The following GRID2 variants were observed in gnomAD, a reference collection of about 807,000 sequenced individuals.
GRID2 encodes glutamate receptor ionotropic, delta-2.
GRID2 carries 33 observed loss-of-function variants against 114.8 expected under a neutral mutation model. The ratio of observed to expected loss-of-function variants is 0.29; its 90% CI spans 0.22 to 0.38. The LOEUF (loss-of-function observed/expected upper bound fraction) is 0.38, where lower values mean the gene tolerates loss of function less well. Among genes scored for constraint, GRID2 ranks in the 10% least tolerant of loss-of-function variants. The probability of loss-of-function intolerance (pLI) is 1.00; values close to 1 mark genes in which losing one functional copy is unlikely to be tolerated. For synonymous variants in GRID2, 505 were observed against 449.9 expected, an observed-to-expected ratio of 1.12 and a Z score of -1.55; for missense variants, 1,184 against 1,257.7, an observed-to-expected ratio of 0.94 and a Z score of 0.89.
chr4:92,379,909 T>G (rs1729533037), intron 1 of GRID2, among the ~76,000 whole-genome samples: 1 of 152,024 alleles, frequency 6.6e-6, no homozygotes, highest in African/African-American at 2.4e-5. Context: ...ATTCCTGTGG[T>G]ATAGCTGTAG....
chr4:92,447,370 A>G (rs1733523740), intron 1 of GRID2, among the ~76,000 whole-genome samples: 1 of 152,182 alleles, frequency 6.6e-6, no homozygotes, highest in Non-Finnish European at 1.5e-5. Flanking sequence ...CTATTGGCAG[A>G]CCTTCTAAGG....
chr4:93,545,913 A>G (rs755129655), intron 13 of GRID2, among the ~76,000 whole-genome samples: 3 of 152,236 alleles, frequency 2.0e-5, no homozygotes, highest in Admixed American at 1.3e-4. Flanking sequence ...GGACTTTAAT[A>G]AAGCAGCGAT....
intron 2 of GRID2, among the ~76,000 whole-genome samples, chr4:92,841,534 T>C (rs1422142917): frequency 6.6e-6 from 1 of 151,962 alleles, no homozygotes; most frequent in Admixed American, 6.6e-5. Context: ...TTTATAAGAA[T>C]CTAAATATCA....
At chr4:92,455,462 G>T (rs899257642) in intron 1 of GRID2, among the ~76,000 whole-genome samples, 1 of 152,168 alleles carries the variant, frequency 6.6e-6, no homozygotes, top group Non-Finnish European at 1.5e-5. Context: ...ATCAGGAGAG[G>T]ATATAACGTG....
At chr4:92,345,244 A>G (rs1727705636) in intron 1 of GRID2, among the ~76,000 whole-genome samples, 1 of 152,224 alleles carries the variant, frequency 6.6e-6, no homozygotes, top group Admixed American at 6.5e-5. Flanking sequence ...TTCACTTAGA[A>G]TAATAGCTTC....
intron 8 of GRID2, among the ~76,000 whole-genome samples, chr4:93,339,525 A>G (rs1013864001): frequency 6.6e-6 from 1 of 152,178 alleles, no homozygotes; most frequent in Non-Finnish European, 1.5e-5. Flanking sequence ...CAGAGGGAAT[A>G]TGGCCCTGAC....
chr4:93,742,456 C>A (rs776561566), intron 14 of GRID2, among the ~76,000 whole-genome samples: 9 of 152,172 alleles, frequency 5.9e-5, no homozygotes, highest in Non-Finnish European at 1.2e-4. Context: ...AGCTACAATA[C>A]AAGCATATGT....
chr4:93,030,103 T>G (rs1724256798), intron 2 of GRID2, among the ~76,000 whole-genome samples: 1 of 152,164 alleles, frequency 6.6e-6, no homozygotes, highest in African/African-American at 2.4e-5. Flanking sequence ...AGAGTTTCTG[T>G]TCTCTCCTTT....
intron 2 of GRID2, among the ~76,000 whole-genome samples, chr4:92,700,686 A>G (rs150535923): frequency 1.3e-5 from 2 of 152,266 alleles, no homozygotes; most frequent in East Asian, 3.9e-4. Context: ...ATTTCATAGT[A>G]TAGTTAACAA....
chr4:92,652,834 A>C (rs1336573483), intron 2 of GRID2, among the ~76,000 whole-genome samples: 1 of 139,324 alleles, frequency 7.2e-6, no homozygotes, highest in Non-Finnish European at 1.5e-5. Flanking sequence ...AATATATATA[A>C]ATTTATAAAT....
chr4:92,926,614 CAAGCCTTTTGGTAAAATAGCG>C (rs1268911491), intron 2 of GRID2, among the ~76,000 whole-genome samples: 16 of 151,852 alleles, frequency 1.1e-4, no homozygotes, highest in Admixed American at 7.9e-4. Context: ...TATTTATTTG[CAAGCCTTTTGGTAAAATAGCG>C]TTATTTACAC....
At chr4:92,722,937 T>C (rs773700705) in intron 2 of GRID2, among the ~76,000 whole-genome samples, 9 of 152,152 alleles carry the variant, frequency 5.9e-5, no homozygotes, top group Non-Finnish European at 1.2e-4. Flanking sequence ...ATCCTAAATC[T>C]TTTGTGAATT....
At chr4:93,635,324 C>CA (rs1553969463) in intron 14 of GRID2, among the ~76,000 whole-genome samples, 1 of 150,192 alleles carries the variant, frequency 6.7e-6, no homozygotes, top group Non-Finnish European at 1.5e-5. Context: ...TGAAGAGTCT[C>CA]AAAATAAAAG....
At chr4:92,380,616 A>G (rs950266321) in intron 1 of GRID2, among the ~76,000 whole-genome samples, 1 of 152,026 alleles carries the variant, frequency 6.6e-6, no homozygotes, top group Non-Finnish European at 1.5e-5. Flanking sequence ...AAATATGTAT[A>G]CTTATAGATT....
chr4:93,202,074 C>A (rs1047199561), intron 4 of GRID2, among the ~76,000 whole-genome samples: 17 of 152,186 alleles, frequency 1.1e-4, no homozygotes, highest in African/African-American at 4.1e-4. Context: ...TTAATGTGCA[C>A]ATGTATAATG....
At chr4:93,416,833 A>G (rs1341544320) in intron 9 of GRID2, among the ~76,000 whole-genome samples, 1 of 152,084 alleles carries the variant, frequency 6.6e-6, no homozygotes, top group Non-Finnish European at 1.5e-5. Flanking sequence ...CTAATATGAA[A>G]ATTATCAGCC....
intron 13 of GRID2, among the ~76,000 whole-genome samples, chr4:93,535,036 G>A (rs1583458): frequency 1.3e-5 from 2 of 151,408 alleles, no homozygotes; most frequent in South Asian, 2.1e-4. Flanking sequence ...TCCACCCCAG[G>A]CTCTGGTAAC....
In GRID2 at chr4:93,128,046, AAAAAAAAAAAAAAC is replaced by A. The variant is rs1195102802; in HGVS notation, c.735+17096_735+17109del. Among the ~76,000 whole-genome samples the A allele has an allele frequency of 3.8e-4, 56 of 145,702 alleles. 1 individual carries two copies. The highest frequency in any genetic ancestry group is 1.3e-3 in the South Asian group (6 of 4,596). On this transcript the variant is annotated intron_variant, in intron 4 of 15. Transcript: ENST00000282020. Reference sequence around the variant, plus strand: ...CCGCAACAAAAAAAAAAAAAAAAAAAAAAAAAAAAAAAACAACAGTACGTGCTATATTGGTTTTA... The same window carrying A: ...CCGCAACAAAAAAAAAAAAAAAAAAAAACAGTACGTGCTATATTGGTTTTA...
intron 2 of GRID2, among the ~76,000 whole-genome samples, chr4:92,774,124 C>A (rs1464522158): frequency 1.3e-5 from 2 of 152,024 alleles, no homozygotes; most frequent in Admixed American, 6.6e-5. Context: ...GATCTGGATC[C>A]AGCCCAGCCA....
Sources: gnomAD v4.1 joint callset for allele counts (sites outside exome capture counted in the v4.1 genomes callset) on GRCh38, gnomAD v4.1.1 for gene constraint, MANE v1.5 for transcripts, NCBI Gene and HGNC (gene_info 2026-07-23, HGNC 2026-07-21) for gene names.